The following SLC12A1 variants were observed in gnomAD, a reference collection of about 807,000 sequenced individuals.
The protein encoded by SLC12A1 is solute carrier family 12 member 1, also known as Na-K-2Cl cotransporter.
A neutral mutation model predicts 130.4 loss-of-function variants in SLC12A1; 89 were observed. The ratio of observed to expected loss-of-function variants is 0.68; its 90% confidence interval spans 0.58 to 0.81. The LOEUF is 0.81. Ranked by LOEUF, SLC12A1 falls within the 40% of genes least tolerant of loss-of-function variation. SLC12A1 has a pLI of 0.00. For missense variants in SLC12A1, 1,310 were observed against 1,336.4 expected (o/e 0.98, Z 0.31); for synonymous variants, 499 against 460.0 (o/e 1.08, Z -1.09).
At chr15:48,215,137 A>G (rs2041104653) in intron 2 of SLC12A1, among the ~76,000 whole-genome samples, 1 of 152,200 alleles carries the variant, frequency 6.6e-6, no homozygotes, top group African/African-American at 2.4e-5. Flanking sequence ...AAATATATTT[A>G]TTTTCCTCAG....
At position 48,285,248 on chromosome 15, in the gene SLC12A1, A is replaced by T. The variant is rs1220795343; in HGVS notation, c.2628A>T (p.Lys876Asn). ...KLNITKTTPK[K>N]DGSINTSQSM... ...ACATTACTAAGACAACGCCTAAAAA[A>T]GGTAAGAACTTTTTAAAATTTGCAA... The change falls in exon 21 of 27, where the codon AAA becomes AAT. Residue 876 changes from lysine to asparagine, a missense_variant and splice_region_variant. By Grantham distance (94) the Lys-to-Asn change is moderately conservative. Coordinates refer to ENST00000380993, the MANE Select transcript of SLC12A1 (RefSeq NM_000338.3). The T allele has an allele frequency of 1.2e-6, 2 of 1,613,292 alleles. No homozygotes were observed. The highest frequency in any genetic ancestry group is 1.7e-6 in the Non-Finnish European group (2 of 1,179,682).
rs548257713 is a variant in SLC12A1, at chr15:48,297,478, A to G, written c.2961-1662A>G. On this transcript the variant is annotated intron_variant, in intron 24 of 26. Coordinates refer to ENST00000380993, the MANE Select transcript of SLC12A1 (RefSeq NM_000338.3). ...GAAAGTACAATGAGGAAAACACAGT[A>G]CGGATACTGGGGAGACAACCAGCAA... Among the ~76,000 whole-genome samples, 7 of 152,382 alleles carry G rather than the reference A, an allele frequency of 4.6e-5. No individual in the cohort carries two copies. The South Asian group carries it at 1.4e-3, about 32-fold the overall frequency.
intron 23 of SLC12A1, among the ~76,000 whole-genome samples, chr15:48,291,275 T>C (rs965271475): frequency 6.7e-5 from 10 of 150,212 alleles, no homozygotes; most frequent in African/African-American, 2.4e-4. Context: ...TGAGGTTTTA[T>C]AATATATATG....
chr15:48,244,415 T>C (rs1384111224), intron 10 of SLC12A1, among the ~76,000 whole-genome samples: 1 of 152,158 alleles, frequency 6.6e-6, no homozygotes, highest in Non-Finnish European at 1.5e-5. Flanking sequence ...AACATCCAGT[T>C]GGTAGTACTA....
Position 48,269,670 on chromosome 15 carries a change from G to C in SLC12A1, c.2308G>C (p.Gly770Arg). 1 of 1,607,926 alleles carries C rather than the reference G, an allele frequency of 6.2e-7. No individual in the cohort carries two copies. Among genetic ancestry groups the C allele is most frequent in the Non-Finnish European group, 8.5e-7 (1 of 1,175,116 alleles). ...GTCCTCTGTTTAGGCCTCAGGCTTAGGAAGAATGAAACCAAACACTCTGGT... is the reference window on the plus strand; with the variant it reads ...GTCCTCTGTTTAGGCCTCAGGCTTACGAAGAATGAAACCAAACACTCTGGT... Reference protein sequence around the residue: ...VRSLLQASGLGRMKPNTLVIG... With the variant: ...VRSLLQASGLRRMKPNTLVIG... Residue 770 changes from glycine to arginine, a missense_variant, in exon 19 of 27, where the codon GGA (glycine) becomes CGA (arginine). Gly to Arg is a moderately radical substitution (Grantham distance 125). Transcript: ENST00000380993.
At chr15:48,225,610 C>T (rs1434505249) in intron 4 of SLC12A1, 1 of 152,084 alleles carries the variant, frequency 6.6e-6, no homozygotes, top group Non-Finnish European at 1.5e-5. Flanking sequence ...TTGACCAGCC[C>T]TAGTGGCTTT....
intron 2 of SLC12A1, among the ~76,000 whole-genome samples, chr15:48,219,722 T>C (rs905874653): frequency 6.6e-6 from 1 of 152,118 alleles, no homozygotes; most frequent in Non-Finnish European, 1.5e-5. Flanking sequence ...AAAGATCCTC[T>C]GAGGTGTGTA....
chr15:48,251,641 A>G lies in SLC12A1; in HGVS notation c.1813A>G (p.Asn605Asp), dbSNP rs2041649691. The G allele has an allele frequency of 6.2e-7, 1 of 1,613,866 alleles. No individual in the cohort carries two copies. The highest frequency in any genetic ancestry group is 8.5e-7 in the Non-Finnish European group (1 of 1,179,798). The change falls in exon 15 of 27, where the codon AAC becomes GAC. Residue 605 changes from asparagine (N) to aspartate (D), a missense_variant. By Grantham distance (23) the Asn-to-Asp change is conservative (BLOSUM62 1). Transcript: ENST00000380993. ...ATGGAGACCTGCGTATGGAATTTAC[A>G]ACATGTGGGTATCTCTTTTTGGAGC... ...PGWRPAYGIY[N>D]MWVSLFGAVL...
At chr15:48,275,673 A>G (rs191669325) in intron 20 of SLC12A1, among the ~76,000 whole-genome samples, 1 of 152,312 alleles carries the variant, frequency 6.6e-6, no homozygotes, top group African/African-American at 2.4e-5. Flanking sequence ...AGGTGAGGAC[A>G]TGAGAATAGA....
At chr15:48,285,376 C>T in intron 21 of SLC12A1, 127 bp downstream of exon 21, 1 of 829,496 alleles carries the variant, frequency 1.2e-6, no homozygotes, top group Middle Eastern at 3.4e-4. Context: ...TGAAAGGTTT[C>T]TCTCCAGAAG....
At chr15:48,220,244 G>T (rs1161312822) in intron 2 of SLC12A1, among the ~76,000 whole-genome samples, 1 of 151,922 alleles carries the variant, frequency 6.6e-6, no homozygotes, top group Non-Finnish European at 1.5e-5. Flanking sequence ...AGCTCAGGAA[G>T]TTTCTCTTTT....
intron 7 of SLC12A1, among the ~76,000 whole-genome samples, chr15:48,231,326 C>A (rs1018439308): frequency 6.6e-6 from 1 of 151,972 alleles, no homozygotes; most frequent in Non-Finnish European, 1.5e-5. Context: ...ATGAAGAGAT[C>A]AATAATAAGC....
chr15:48,301,237 G>T, intron 25 of SLC12A1, 78 bp from the exon 26 acceptor site: 1 of 980,470 alleles, frequency 1.0e-6, no homozygotes, highest in South Asian at 1.4e-5. Context: ...TTTTCTGCTT[G>T]TTCATGATTT....
chr15:48,259,620 T>C (rs561306568), intron 17 of SLC12A1, among the ~76,000 whole-genome samples: 1 of 152,274 alleles, frequency 6.6e-6, no homozygotes, highest in East Asian at 1.9e-4. Flanking sequence ...TTTGGGGTGA[T>C]AACTGTCTAC....
At chr15:48,209,125 G>A (rs532594114) in intron 2 of SLC12A1, among the ~76,000 whole-genome samples, 29 of 152,206 alleles carry the variant, frequency 1.9e-4, no homozygotes, top group African/African-American at 6.5e-4. Flanking sequence ...GCAATGGTGC[G>A]ATCTCGGCTC....
At chr15:48,292,989 C>T (rs777797854) in intron 24 of SLC12A1, among the ~76,000 whole-genome samples, 1 of 152,134 alleles carries the variant, frequency 6.6e-6, no homozygotes, top group African/African-American at 2.4e-5. Context: ...AATCTCAGCT[C>T]ACAACAACCT....
intron 5 of SLC12A1, chr15:48,226,783 G>T (rs2041294410): frequency 3.3e-6 from 2 of 609,924 alleles, no homozygotes; most frequent in Admixed American, 3.2e-5. Context: ...CTGGCACATT[G>T]TAGGTTATGC....
At chr15:48,216,016 T>G (rs1467334382) in intron 2 of SLC12A1, among the ~76,000 whole-genome samples, 3 of 152,208 alleles carry the variant, frequency 2.0e-5, no homozygotes, top group Non-Finnish European at 2.9e-5. Flanking sequence ...GTAAATTTAC[T>G]GTCAGACCTT....
In SLC12A1 at chr15:48,287,874, T is replaced by C. The variant is rs113159458; in HGVS notation, c.2630-169T>C. Among the ~76,000 whole-genome samples, 7,357 of 152,302 alleles carry C rather than the reference T, an allele frequency of 0.048. 188 individuals are homozygous for C. Among genetic ancestry groups the C allele is most frequent in the African/African-American group, 0.062 (2,570 of 41,570 alleles). Reference sequence around the variant, plus strand: ...CTATTGAAGGTGTTCTCAATTATTCTGGGATTGGACTTTTATCTCTGCCTT... The same window carrying C: ...CTATTGAAGGTGTTCTCAATTATTCCGGGATTGGACTTTTATCTCTGCCTT... On this transcript the variant is annotated intron_variant, in intron 21 of 26. Transcript: ENST00000380993.
Sources: allele counts gnomAD v4.1 joint callset (sites outside exome capture counted in the v4.1 genomes callset), GRCh38; gene constraint gnomAD v4.1.1; transcripts MANE v1.5; gene names NCBI Gene and HGNC (gene_info 2026-07-23, HGNC 2026-07-21).